ANAPC1: variants seen among roughly 807,000 people sequenced by gnomAD.
The protein encoded by ANAPC1 is anaphase-promoting complex subunit 1.
In ANAPC1, 36 loss-of-function variants were observed where a neutral mutation model predicts 208.0. The ratio of observed to expected loss-of-function variants is 0.17; its 90% CI spans 0.13 to 0.23. The LOEUF (loss-of-function observed/expected upper bound fraction) is 0.23, where lower values mean the gene tolerates loss of function less well. ANAPC1 is among the 10% of genes least tolerant of loss of function. The probability of loss-of-function intolerance (pLI) is 1.00; values close to 1 mark genes in which losing one functional copy is unlikely to be tolerated. For synonymous variants in ANAPC1, 378 were observed against 695.2 expected (o/e 0.54, Z 7.18); for missense variants, 942 against 2,011.6 (o/e 0.47, Z 10.17).
chr2:111,872,500 G>C (rs933185030), intron 6 of ANAPC1, 130 bp downstream of exon 6: 6 of 709,776 alleles, frequency 8.5e-6, no homozygotes, highest in East Asian at 2.9e-5. Flanking sequence ...ACTGAGATGA[G>C]AGAAAATGGC....
Position 111,795,787 on chromosome 2 carries a change from G to A in ANAPC1, c.4297-893C>T, listed in dbSNP as rs188036511. 5.3e-3 allele frequency among the ~76,000 whole-genome samples: 802 copies of A among 152,244 alleles called. 7 individuals are homozygous for A. The highest frequency in any genetic ancestry group is 0.017 in the African/African-American group (698 of 41,520). Reference sequence around the variant, plus strand: ...CAGAATATCTAGCTGTAATAACCAAGAAGACATTTGATCCTTTTCTCCTAA... The same window carrying A: ...CAGAATATCTAGCTGTAATAACCAAAAAGACATTTGATCCTTTTCTCCTAA... On this transcript the variant is annotated intron_variant, in intron 34 of 47. Transcript: ENST00000341068.
At chr2:111,821,832 GA>G (rs965482158) in intron 25 of ANAPC1, 89 of 219,660 alleles carry the variant, frequency 4.1e-4, no homozygotes, top group South Asian at 8.8e-4. Context: ...GAACTCATTT[GA>G]AAAAAAAAAC....
At chr2:111,880,424 G>T in intron 2 of ANAPC1, 189 bp downstream of exon 2, 6 of 1,026,394 alleles carry the variant, frequency 5.8e-6, no homozygotes, top group Non-Finnish European at 6.8e-6. Flanking sequence ...GTTATAGAGG[G>T]TATCTAAATA....
chr2:111,828,979 C>T (rs1679983315), intron 21 of ANAPC1, among the ~76,000 whole-genome samples: 1 of 152,162 alleles, frequency 6.6e-6, no homozygotes, highest in African/African-American at 2.4e-5. Context: ...CTTTGGGAGG[C>T]CAAGGTGGGC....
In ANAPC1 at chr2:111,833,077, G is replaced by T. The variant is rs1011319957; in HGVS notation, c.2476+143C>A. 9 of 1,223,466 alleles carry T rather than the reference G, an allele frequency of 7.4e-6. No individual in the cohort carries two copies. The South Asian group carries it at 2.2e-4, about 30-fold the overall frequency. The allele number at this position is 1,223,466 out of a possible 1,614,324, so 75.8% of individuals were successfully genotyped here. Reference sequence around the variant, plus strand: ...CTACGTGTCAGAAAACAAGCACTACGAACTAAAATCTGCCTGGTGGAAAGG... The same window carrying T: ...CTACGTGTCAGAAAACAAGCACTACTAACTAAAATCTGCCTGGTGGAAAGG... On this transcript the variant is annotated intron_variant, in intron 20 of 47. Transcript: ENST00000341068.
At chr2:111,868,243 C>T in intron 6 of ANAPC1, 147 bp from the exon 7 acceptor site, 3 of 517,046 alleles carry the variant, frequency 5.8e-6, no homozygotes, top group Non-Finnish European at 1.0e-5. Context: ...TTTGTACATA[C>T]TATTTTTCAC....
intron 18 of ANAPC1, among the ~76,000 whole-genome samples, chr2:111,837,942 G>A (rs1282719201): frequency 1.3e-5 from 2 of 151,398 alleles, no homozygotes; most frequent in Non-Finnish European, 2.9e-5. Flanking sequence ...AAAATTAGCT[G>A]GGCATGGTGG....
At chr2:111,829,674 G>C (rs1032119859) in intron 21 of ANAPC1, among the ~76,000 whole-genome samples, 1 of 152,004 alleles carries the variant, frequency 6.6e-6, no homozygotes, top group African/African-American at 2.4e-5. Flanking sequence ...CATGAGATTT[G>C]CAGCTAGAGG....
At position 111,808,742 on chromosome 2, in the gene ANAPC1, A is replaced by C. The variant is rs1433317376; in HGVS notation, c.3832+205T>G. The stretch of plus-strand genomic sequence containing the variant: ...GTAATGAGCTAGCAAATAAACATGG[A>C]GGTTAATAACCTGCAGTTACATTAG... On this transcript the variant is annotated intron_variant, in intron 29 of 47. Transcript: ENST00000341068. 1.1e-4 allele frequency among the ~76,000 whole-genome samples: 16 copies of C among 151,358 alleles called. No individual in the cohort carries two copies. In the East Asian group the frequency reaches 3.1e-3, roughly 30 times the overall value.
chr2:111,821,713 C>T, intron 25 of ANAPC1: 1 of 424,068 alleles, frequency 2.4e-6, no homozygotes, highest in East Asian at 5.1e-5. Context: ...GTGGGCGGAT[C>T]ACCCGAGGCC....
intron 47 of ANAPC1, among the ~76,000 whole-genome samples, chr2:111,771,652 A>C (rs1199052765): frequency 6.6e-6 from 1 of 151,004 alleles, no homozygotes; most frequent in Non-Finnish European, 1.5e-5. Flanking sequence ...CAATTCCATC[A>C]TGGCCATAAC....
At chr2:111,789,476 CCTGT>C (rs1416731433) in intron 38 of ANAPC1, among the ~76,000 whole-genome samples, 3 of 144,992 alleles carry the variant, frequency 2.1e-5, no homozygotes, top group Non-Finnish European at 4.5e-5. Flanking sequence ...AATCTCTTTC[CCTGT>C]CTTTTAAAAT....
intron 17 of ANAPC1, among the ~76,000 whole-genome samples, chr2:111,842,415 G>A (rs547698179): frequency 2.6e-5 from 4 of 152,018 alleles, no homozygotes; most frequent in Non-Finnish European, 4.4e-5. Flanking sequence ...AGGCTGAGAC[G>A]GGCAGATCAT....
intron 18 of ANAPC1, among the ~76,000 whole-genome samples, chr2:111,836,737 C>G (rs1223129545): frequency 6.6e-6 from 1 of 151,472 alleles, no homozygotes; most frequent in East Asian, 1.9e-4. Context: ...GGGAGGCCAA[C>G]ATGGGCAGAT....
chr2:111,794,283 G>A lies in ANAPC1; in HGVS notation c.4414C>T (p.Leu1472=). The change falls in exon 36 of 48, where the codon CTG becomes TTG. Residue 1472 remains leucine, a synonymous_variant. Coordinates refer to ENST00000341068, the MANE Select transcript of ANAPC1 (RefSeq NM_022662.4). ...VYIIAGACLS[L]GFRFAGSENL... ...TCTGAGCCAGCAAATCGAAAACCCA[G>A]AGACAAGCAGGCTCCTGCAATTATG... The A allele has an allele frequency of 1.9e-6, 3 of 1,613,298 alleles. No homozygotes were observed. The highest frequency in any genetic ancestry group is 2.5e-6 in the Non-Finnish European group (3 of 1,179,652).
chr2:111,846,559 A>AT (rs775041785), intron 16 of ANAPC1, among the ~76,000 whole-genome samples: 490 of 46,296 alleles, frequency 0.011, 64 homozygotes, highest in Middle Eastern at 0.021. Flanking sequence ...ATATATATAT[A>AT]TTTTTTTTTT....
At chr2:111,825,981 AT>A in intron 21 of ANAPC1, 126 bp from the exon 22 acceptor site, 1 of 712,748 alleles carries the variant, frequency 1.4e-6, no homozygotes, top group South Asian at 2.5e-5. Context: ...GGCTCAAGCA[AT>A]CTTCCTGCTT....
intron 32 of ANAPC1, chr2:111,802,793 T>A (rs2104562942): frequency 1.1e-5 from 2 of 188,454 alleles, no homozygotes; most frequent in East Asian, 3.2e-4. Context: ...GTAATAAATA[T>A]CTATTTTTAA....
chr2:111,872,131 T>C (rs1682784736), intron 6 of ANAPC1, among the ~76,000 whole-genome samples: 1 of 152,318 alleles, frequency 6.6e-6, no homozygotes, highest in South Asian at 2.1e-4. Flanking sequence ...TGTGGGTTTG[T>C]TGTATATGAC....
Sources: allele counts gnomAD v4.1 joint callset (sites outside exome capture counted in the v4.1 genomes callset), GRCh38; gene constraint gnomAD v4.1.1; transcripts MANE v1.5; gene names NCBI Gene and HGNC (gene_info 2026-07-23, HGNC 2026-07-21).